Variants in TNS2 observed in about 807,000 individuals in gnomAD.
TNS2 encodes the protein tensin 2.
A neutral mutation model predicts 155.7 loss-of-function variants in TNS2; 77 were observed. The observed-to-expected ratio is 0.49, with a 90% CI of 0.41 to 0.60. The LOEUF (loss-of-function observed/expected upper bound fraction) is 0.60. Among genes scored for constraint, TNS2 ranks in the 20% least tolerant of loss-of-function variants. The pLI, the probability that TNS2 is intolerant of heterozygous loss-of-function variation, is 0.00. For missense variants in TNS2, 1,703 were observed against 1,868.8 expected (o/e 0.91, Z 1.64); for synonymous variants, 726 against 763.9 (o/e 0.95, Z 0.82).
Position 53,059,437 on chromosome 12 carries a change from G to A in TNS2, c.1796G>A (p.Arg599Gln), listed in dbSNP as rs756280341. ...CACTGCTCCTGCCGCCAGGGCTACCGGGAGCCCTGCGGGGTTCCCAATGGG... is the reference window on the plus strand; with the variant it reads ...CACTGCTCCTGCCGCCAGGGCTACCAGGAGCCCTGCGGGGTTCCCAATGGG... ...SRHCSCRQGY[R>Q]EPCGVPNGGY... is the part of the protein sequence containing the mutation. Residue 599 changes from arginine (R) to glutamine (Q), a missense_variant, in exon 18 of 29, where the codon CGG becomes CAG. By Grantham distance (43) the Arg-to-Gln change is conservative. Transcript: ENST00000314250. This position sits in a 1 kb window ranked among gnomAD's most constrained non-coding sequence, Gnocchi z 4.7. The A allele has an allele frequency of 2.9e-5, 43 of 1,493,402 alleles. No individual in the cohort carries two copies. Among genetic ancestry groups the A allele is most frequent in the African/African-American group, 9.9e-5 (7 of 70,736 alleles). 92.5% of individuals were successfully genotyped at this position (1,493,402 alleles called of 1,614,324 possible).
At chr12:53,056,543 T>G (rs961022707) in intron 10 of TNS2, among the ~76,000 whole-genome samples, 1 of 152,156 alleles carries the variant, frequency 6.6e-6, no homozygotes, top group African/African-American at 2.4e-5. Context: ...ATTCCTTGGT[T>G]TGCAGACACA....
chr12:53,058,730 C>T lies in TNS2; in HGVS notation c.1308C>T (p.Asn436=), dbSNP rs144150626. The stretch of plus-strand genomic sequence containing the variant: ...CTTCCACAGGCAGCACTCCACGGAA[C>T]GACCCCTCGGTCTCTGTCGACTACA... ...PEKIKGSTPR[N]DPSVSVDYNT... Residue 436 remains asparagine (N), a synonymous_variant, in exon 17 of 29, where the codon AAC becomes AAT. Coordinates refer to ENST00000314250, the MANE Select transcript of TNS2 (RefSeq NM_170754.4). The T allele has an allele frequency of 3.6e-4, 584 of 1,614,032 alleles. 3 individuals are homozygous for T. The African/African-American group carries it at 6.8e-3, about 19-fold the overall frequency.
chr12:53,055,801 G>A lies in TNS2; in HGVS notation c.717G>A (p.Gly239=). The change falls in exon 10 of 29, where the codon GGG becomes GGA. Residue 239 remains glycine, a synonymous_variant. Transcript: ENST00000314250. ...GTCAGGGAAACAAGGGCAAGCTTGGGGTCATCGTTTCTGCCTACATGCACT... is the reference window on the plus strand; with the variant it reads ...GTCAGGGAAACAAGGGCAAGCTTGGAGTCATCGTTTCTGCCTACATGCACT... ...LYCKGNKGKL[G]VIVSAYMHYS... is the part of the protein sequence containing the mutation. 1 of 1,614,188 alleles carries A rather than the reference G, an allele frequency of 6.2e-7. No individual in the cohort carries two copies. The highest frequency in any genetic ancestry group is 8.5e-7 in the Non-Finnish European group (1 of 1,180,034).
upstream of TNS2, among the ~76,000 whole-genome samples, chr12:53,047,311 G>C (rs1943757023): frequency 2.7e-5 from 4 of 146,018 alleles, no homozygotes; most frequent in Admixed American, 2.7e-4. Context: ...GGGCTGGCCC[G>C]GCGGCTCCCC....
chr12:53,053,314 C>G (rs760701883), intron 3 of TNS2, 97 bp from the exon 4 acceptor site: 66 of 1,424,348 alleles, frequency 4.6e-5, no homozygotes, highest in Non-Finnish European at 6.5e-5. Flanking sequence ...CACTGAAGGC[C>G]CCTCCACCTT....
intron 5 of TNS2, 62 bp from the exon 6 acceptor site, chr12:53,053,903 G>T: frequency 6.2e-7 from 1 of 1,614,040 alleles, no homozygotes. Context: ...TGGCTCTGGA[G>T]TGGGCAGTCT....
upstream of TNS2, among the ~76,000 whole-genome samples, chr12:53,049,639 G>T (rs533237792): frequency 6.6e-6 from 1 of 152,240 alleles, no homozygotes; most frequent in Non-Finnish European, 1.5e-5. Context: ...ACACACTCGG[G>T]ATCCTGGGCC....
rs930320838 is a variant in TNS2 at position 53,062,671 on chromosome 12, C to T, written c.3797C>T (p.Ala1266Val). 8.7e-6 allele frequency: 14 copies of T among 1,613,854 alleles called. No homozygotes were observed. The highest frequency in any genetic ancestry group is 1.7e-5 in the Admixed American group (1 of 59,992). Reference sequence around the variant, plus strand: ...CCAGTGCCCACCAACATGAGCACAGCGGCAGACCTCCTGCGTCAGGGTGCT... The same window carrying T: ...CCAGTGCCCACCAACATGAGCACAGTGGCAGACCTCCTGCGTCAGGGTGCT... ...EAPVPTNMST[A>V]ADLLRQGAAC... Residue 1266 changes from alanine (A) to valine (V), a missense_variant, in exon 25 of 29, where the codon GCG (alanine) becomes GTG (valine). Coordinates refer to ENST00000314250, the MANE Select transcript of TNS2 (RefSeq NM_170754.4).
Position 53,059,168 on chromosome 12 carries a change from C to T in TNS2, c.1527C>T (p.Val509=). The T allele has an allele frequency of 1.2e-6, 2 of 1,600,372 alleles. No homozygotes were observed. Among genetic ancestry groups the T allele is most frequent in the African/African-American group, 1.3e-5 (1 of 74,562 alleles). The change falls in exon 18 of 29, where the codon GTC becomes GTT. Residue 509 remains valine (V), a synonymous_variant. Transcript: ENST00000314250. The surrounding 1 kb of genome is among the most constrained non-coding windows in gnomAD (Gnocchi z 4.7). ...CTCCACCACCCCCCATGCTCTCTGT[C>T]AGCAGCGACTCAGGCCATTCCTCCA... The part of the protein sequence containing the change: ...PEPPPPPMLS[V]SSDSGHSSTL...
intron 16 of TNS2, 25 bp from the exon 17 acceptor site, chr12:53,058,689 C>T: frequency 6.2e-7 from 1 of 1,614,008 alleles, no homozygotes; most frequent in Non-Finnish European, 8.5e-7. Flanking sequence ...CCCCTGCTCC[C>T]CAATACCCGA....
Position 53,058,753 on chromosome 12 carries a change from A to G in TNS2, c.1331A>G (p.Tyr444Cys), listed in dbSNP as rs759565987. The change falls in exon 17 of 29, where the codon TAC becomes TGC. Residue 444 changes from tyrosine (Y) to cysteine (C), a missense_variant. Tyr to Cys is a radical substitution (Grantham distance 194). Coordinates refer to ENST00000314250, the MANE Select transcript of TNS2 (RefSeq NM_170754.4). The stretch of plus-strand genomic sequence containing the variant: ...AACGACCCCTCGGTCTCTGTCGACT[A>G]CAACACCACTGAGCCAGCCGTGCGC... ...PRNDPSVSVD[Y>C]NTTEPAVRWD... 1.9e-6 allele frequency: 3 copies of G among 1,613,966 alleles called. No homozygotes were observed. The highest frequency in any genetic ancestry group is 2.5e-6 in the Non-Finnish European group (3 of 1,179,988).
Position 53,061,019 on chromosome 12 carries a change from A to C in TNS2, c.3113A>C (p.Gln1038Pro), listed in dbSNP as rs201548222. Residue 1038 changes from glutamine to proline, a missense_variant, in exon 20 of 29, where the codon CAG (glutamine) becomes CCG (proline). Gln to Pro is a moderately conservative substitution (Grantham distance 76). Coordinates refer to ENST00000314250, the MANE Select transcript of TNS2 (RefSeq NM_170754.4). ...TCTCCCCTCACTCCTGTGCCTTCCC[A>C]GATGCCCTGGCTTGTGGCCAGCCCA... ...DGSPLTPVPSQMPWLVASPEP... is the reference protein window; with the variant it reads ...DGSPLTPVPSPMPWLVASPEP... 6.2e-7 allele frequency: 1 copy of C among 1,613,636 alleles called. No individual in the cohort carries two copies. Among genetic ancestry groups the C allele is most frequent in the Admixed American group, 1.7e-5 (1 of 59,990 alleles).
At chr12:53,061,520 C>G (rs760959168) in intron 21 of TNS2, 51 bp downstream of exon 21, 1 of 1,592,046 alleles carries the variant, frequency 6.3e-7, no homozygotes, top group Non-Finnish European at 8.6e-7. Flanking sequence ...TCCAGGGTGT[C>G]TGTCTTGGCT....
intron 1 of TNS2, among the ~76,000 whole-genome samples, chr12:53,051,480 G>A (rs1228323717): frequency 3.3e-5 from 5 of 151,262 alleles, no homozygotes; most frequent in Non-Finnish European, 5.9e-5. Flanking sequence ...TGCTCACTCT[G>A]CACACAGGTC....
At chr12:53,058,967 T>C in intron 17 of TNS2, 80 bp from the exon 18 acceptor site, 2 of 1,539,296 alleles carry the variant, frequency 1.3e-6, no homozygotes, top group South Asian at 2.4e-5. Flanking sequence ...CTGTCTCCAG[T>C]GCCATCCCCT....
At position 53,054,537 on chromosome 12, in the gene TNS2, G is replaced by A. The variant is rs935377461; in HGVS notation, c.522+96G>A. The A allele has an allele frequency of 2.3e-6, 3 of 1,318,436 alleles. No individual in the cohort carries two copies. In the African/African-American group the frequency reaches 4.5e-5, roughly 20 times the overall value. The allele number at this position is 1,318,436 out of a possible 1,614,324, so 81.7% of individuals were successfully genotyped here. Reference sequence around the variant, plus strand: ...TGACGTCACCAGCGGAGGCGAGGCCGCCAGGGGGCGGGACCAGAGTGGTGG... The same window carrying A: ...TGACGTCACCAGCGGAGGCGAGGCCACCAGGGGGCGGGACCAGAGTGGTGG... On this transcript the variant is annotated intron_variant, in intron 7 of 28. Coordinates refer to ENST00000314250, the MANE Select transcript of TNS2 (RefSeq NM_170754.4).
In TNS2 at chr12:53,059,881, C is replaced by G; in HGVS notation, c.2240C>G (p.Ala747Gly). The G allele has an allele frequency of 6.2e-7, 1 of 1,613,044 alleles. No individual in the cohort carries two copies. The highest frequency in any genetic ancestry group is 1.1e-5 in the South Asian group (1 of 91,076). ...TTGCCTGCCTGTGGGCATCACCATG[C>G]CCCGATGCCTGACTACAGCTGCCTG... The part of the protein sequence containing the change: ...LLLPACGHHH[A>G]PMPDYSCLKP... Residue 747 changes from alanine to glycine, a missense_variant, in exon 18 of 29, where the codon GCC becomes GGC. Physicochemically the swap from Ala to Gly is moderately conservative, Grantham distance 60 (BLOSUM62 0). Coordinates refer to ENST00000314250, the MANE Select transcript of TNS2 (RefSeq NM_170754.4). The surrounding 1 kb of genome is among the most constrained non-coding windows in gnomAD (Gnocchi z 4.7).
In TNS2 at chr12:53,062,710, C is replaced by CCTCCA; in HGVS notation, c.3823+18_3823+22dup. ...CGTCAGGGTGCTGGTAGAGACTTCC[C>CCTCCA]CTCCACTCCCCTCCCTCTCCCTGGG... On this transcript the variant is annotated intron_variant, in intron 25 of 28. Transcript: ENST00000314250. 2 of 1,613,286 alleles carry CCTCCA rather than the reference C, an allele frequency of 1.2e-6. No homozygotes were observed. The highest frequency in any genetic ancestry group is 1.1e-5 in the South Asian group (1 of 90,928).
At chr12:53,054,896 T>C (rs1944089756) in intron 7 of TNS2, among the ~76,000 whole-genome samples, 1 of 146,240 alleles carries the variant, frequency 6.8e-6, no homozygotes. Context: ...GGTTTCGCCA[T>C]GTTGGCCAGG....
Sources: allele counts gnomAD v4.1 joint callset (sites outside exome capture counted in the v4.1 genomes callset), GRCh38; gene constraint gnomAD v4.1.1; non-coding constraint Gnocchi (gnomAD v3.1); transcripts MANE v1.5; gene names NCBI Gene and HGNC (gene_info 2026-07-23, HGNC 2026-07-21).